The following NAAA variants were observed in gnomAD, a reference collection of about 807,000 sequenced individuals.
The protein encoded by NAAA is N-acylethanolamine acid amidase.
NAAA carries 39 observed loss-of-function variants against 44.8 expected under a neutral mutation model. The observed-to-expected ratio is 0.87, with a 90% CI of 0.67 to 1.14. The LOEUF (loss-of-function observed/expected upper bound fraction) is 1.14, where lower values mean the gene tolerates loss of function less well. Among genes scored for constraint, NAAA ranks in the 50% most tolerant of loss-of-function variants. The pLI is 0.00. For missense variants in NAAA, 460 were observed against 467.8 expected, an observed-to-expected ratio of 0.98 and a Z score of 0.15; for synonymous variants, 178 against 191.3, an observed-to-expected ratio of 0.93 and a Z score of 0.58.
At chr4:75,927,633 G>GCC (rs60371960) in intron 4 of NAAA, among the ~76,000 whole-genome samples, 71 of 95,766 alleles carry the variant, frequency 7.4e-4, no homozygotes, top group East Asian at 2.7e-3. Context: ...AATTTTTAAT[G>GCC]CCCCCCCCCC....
chr4:75,925,770 G>C lies in NAAA; in HGVS notation c.631C>G (p.Arg211Gly). 6.2e-7 allele frequency: 1 copy of C among 1,614,152 alleles called. No homozygotes were observed. The change falls in exon 5 of 11, where the codon CGG becomes GGG. Residue 211 changes from arginine to glycine, a missense_variant. Physicochemically the swap from Arg to Gly is moderately radical, Grantham distance 125. Coordinates refer to ENST00000286733, the MANE Select transcript of NAAA (RefSeq NM_014435.4). ...AGCCAGCTGACGGGAATGTGTCTCC[G>C]AAACAGGGCAGCGATAGCATTCTCC... ...WWENAIAALFRRHIPVSWLIR... is the reference protein window; with the variant it reads ...WWENAIAALFGRHIPVSWLIR...
chr4:75,930,209 T>C (rs2149271715), intron 4 of NAAA, among the ~76,000 whole-genome samples: 1 of 152,238 alleles, frequency 6.6e-6, no homozygotes, highest in African/African-American at 2.4e-5. Context: ...TATATCCTTC[T>C]CCTTGATTCA....
In NAAA at chr4:75,940,177, A is replaced by T; in HGVS notation, c.207-12T>A. On this transcript the variant is annotated splice_polypyrimidine_tract_variant and intron_variant, in intron 1 of 10. Transcript: ENST00000286733. ...TGGGGACTCTGTCCCTAGAAACAAAAAGCACAAGGGCGTCTGACCCGCTCA... is the reference window on the plus strand; with the variant it reads ...TGGGGACTCTGTCCCTAGAAACAAATAGCACAAGGGCGTCTGACCCGCTCA... 1 of 1,611,630 alleles carries T rather than the reference A, an allele frequency of 6.2e-7. No homozygotes were observed. Among genetic ancestry groups the T allele is most frequent in the Non-Finnish European group, 8.5e-7 (1 of 1,178,368 alleles).
chr4:75,922,251 G>A (rs969740582), intron 5 of NAAA, among the ~76,000 whole-genome samples: 2 of 151,900 alleles, frequency 1.3e-5, no homozygotes, highest in African/African-American at 2.4e-5. Context: ...GAGTTTTCCT[G>A]CCTTATACTT....
At position 75,940,156 on chromosome 4, in the gene NAAA, G is replaced by A; in HGVS notation, c.216C>T (p.Val72=). ...AAMAQVIGDR[V]PKWVHVLIGK... ...CGATTAACACGTGCACCCACTTGGG[G>A]ACTCTGTCCCTAGAAACAAAAAGCA... Residue 72 remains valine (V), a synonymous_variant, in exon 2 of 11, where the codon GTC becomes GTT. Transcript: ENST00000286733. The A allele has an allele frequency of 6.2e-7, 1 of 1,613,346 alleles. No individual in the cohort carries two copies. Among genetic ancestry groups the A allele is most frequent in the Non-Finnish European group, 8.5e-7 (1 of 1,179,500 alleles).
At chr4:75,915,553 A>C (rs1342807402) in intron 9 of NAAA, among the ~76,000 whole-genome samples, 2 of 152,092 alleles carry the variant, frequency 1.3e-5, no homozygotes, top group Non-Finnish European at 2.9e-5. Flanking sequence ...CATCAGGAGA[A>C]TATCACCCAG....
At chr4:75,916,826 C>T (rs1422306865) in intron 9 of NAAA, among the ~76,000 whole-genome samples, 2 of 122,626 alleles carry the variant, frequency 1.6e-5, no homozygotes, top group African/African-American at 2.9e-5. Context: ...CTCCCTCTGT[C>T]GCCCAGGCTG....
intron 9 of NAAA, among the ~76,000 whole-genome samples, chr4:75,915,641 C>A (rs897981028): frequency 6.6e-6 from 1 of 152,164 alleles, no homozygotes; most frequent in African/African-American, 2.4e-5. Context: ...GGTACTTGGG[C>A]AGACTCCAGG....
At chr4:75,937,316 G>A (rs1301762734) in intron 2 of NAAA, among the ~76,000 whole-genome samples, 1 of 152,166 alleles carries the variant, frequency 6.6e-6, no homozygotes, top group Non-Finnish European at 1.5e-5. Context: ...CTATCTGGGG[G>A]GCTGAGGCAG....
chr4:75,910,927 T>C (rs994460730), downstream of NAAA, among the ~76,000 whole-genome samples: 1 of 152,112 alleles, frequency 6.6e-6, no homozygotes, highest in Non-Finnish European at 1.5e-5. Context: ...GGTGGTAGGA[T>C]TATCATTAGT....
rs574883372 is a variant in NAAA at position 75,924,485 on chromosome 4, G to A, written c.666+1250C>T. On this transcript the variant is annotated intron_variant, in intron 5 of 10. Coordinates refer to ENST00000286733, the MANE Select transcript of NAAA (RefSeq NM_014435.4). ...ATTTCTGGACCACAGTTGACTGTGG[G>A]TAACAGAAACCAAGAATAAGGGGAG... 3.9e-5 allele frequency among the ~76,000 whole-genome samples: 6 copies of A among 152,318 alleles called. No individual in the cohort carries two copies. The South Asian group carries it at 8.3e-4, about 21-fold the overall frequency.
At chr4:75,937,294 C>G (rs951632757) in intron 2 of NAAA, among the ~76,000 whole-genome samples, 4 of 152,158 alleles carry the variant, frequency 2.6e-5, no homozygotes, top group Admixed American at 6.5e-5. Flanking sequence ...TGGCGCACAC[C>G]TGTTGTCCCA....
Position 75,940,870 on chromosome 4 carries a change from G to A in NAAA, c.80C>T (p.Ala27Val), listed in dbSNP as rs527812138. Reference sequence around the variant, plus strand: ...GCGCGGCGCTGCTGGGGGCGAGGCGGCTGACAGCCCGGCCCCGGCCAGCAG... The same window carrying A: ...GCGCGGCGCTGCTGGGGGCGAGGCGACTGACAGCCCGGCCCCGGCCAGCAG... ...LLLLAGAGLSAASPPAAPRFN... is the reference protein window; with the variant it reads ...LLLLAGAGLSVASPPAAPRFN... Residue 27 changes from alanine to valine, a missense_variant, in exon 1 of 11, where the codon GCC (alanine) becomes GTC (valine). Coordinates refer to ENST00000286733, the MANE Select transcript of NAAA (RefSeq NM_014435.4). The A allele has an allele frequency of 1.7e-5, 26 of 1,572,544 alleles. No homozygotes were observed. In the Admixed American group the frequency reaches 3.7e-4, roughly 22 times the overall value.
In NAAA at chr4:75,919,970, G is replaced by A. The variant is rs752035557; in HGVS notation, c.908C>T (p.Ser303Phe). 2 of 1,613,924 alleles carry A rather than the reference G, an allele frequency of 1.2e-6. No individual in the cohort carries two copies. The highest frequency in any genetic ancestry group is 1.7e-6 in the Non-Finnish European group (2 of 1,179,804). The change falls in exon 8 of 11, where the codon TCT becomes TTT. Residue 303 changes from serine to phenylalanine, a missense_variant. Coordinates refer to ENST00000286733, the MANE Select transcript of NAAA (RefSeq NM_014435.4). ...PAPKEDDRRT[S>F]AIKALNATGQ... is the part of the protein sequence containing the mutation. ...TGTAGCATTAAGGGCCTTGATGGCA[G>A]ATGTTCTGTAAGGACAAAGGTCGAA...
chr4:75,925,667 TA>T, intron 5 of NAAA, 67 bp downstream of exon 5: 1 of 1,465,958 alleles, frequency 6.8e-7, no homozygotes. Flanking sequence ...GCAACATTGT[TA>T]AATGACACAG....
intron 5 of NAAA, among the ~76,000 whole-genome samples, chr4:75,923,869 A>G (rs911021388): frequency 2.0e-5 from 3 of 152,142 alleles, no homozygotes; most frequent in African/African-American, 7.2e-5. Flanking sequence ...CCATGTGTAC[A>G]GTAAAGAAGC....
At chr4:75,932,342 T>C (rs1727301675) in intron 3 of NAAA, among the ~76,000 whole-genome samples, 2 of 152,246 alleles carry the variant, frequency 1.3e-5, no homozygotes, top group Non-Finnish European at 2.9e-5. Flanking sequence ...TGTTCACCAA[T>C]AATAATCACA....
Position 75,913,880 on chromosome 4 carries a change from G to A in NAAA, c.*495C>T, listed in dbSNP as rs781094029. 5.0e-5 allele frequency: 49 copies of A among 985,132 alleles called. No individual in the cohort carries two copies. Among genetic ancestry groups the A allele is most frequent in the Admixed American group, 6.2e-5 (1 of 16,258 alleles). 61.0% of individuals were successfully genotyped at this position (985,132 alleles called of 1,614,324 possible). ...CATGGAAACACATGATCAAAGATCA[G>A]ACTAACACACATTCAAACAGGCTTG... is the stretch of plus-strand genomic sequence containing the variant. On this transcript the variant is annotated 3_prime_UTR_variant, in exon 11 of 11. Transcript: ENST00000286733.
chr4:75,940,028 A>G lies in NAAA; in HGVS notation c.344T>C (p.Leu115Pro), dbSNP rs780780700. Reference sequence around the variant, plus strand: ...GGAGGACTCGTAGGCCAGGTTGACCAGAAGGCAGTCCGCCAGGCTGAGGTT... The same window carrying G: ...GGAGGACTCGTAGGCCAGGTTGACCGGAAGGCAGTCCGCCAGGCTGAGGTT... ...FMNLSLADCL[L>P]VNLAYESSVF... The change falls in exon 2 of 11, where the codon CTG becomes CCG. Residue 115 changes from leucine to proline, a missense_variant. Transcript: ENST00000286733. The G allele has an allele frequency of 6.2e-7, 1 of 1,614,044 alleles. No individual in the cohort carries two copies. Among genetic ancestry groups the G allele is most frequent in the Non-Finnish European group, 8.5e-7 (1 of 1,180,046 alleles).
Sources: gnomAD v4.1 joint callset for allele counts (sites outside exome capture counted in the v4.1 genomes callset) on GRCh38, gnomAD v4.1.1 for gene constraint, MANE v1.5 for transcripts, NCBI Gene and HGNC (gene_info 2026-07-23, HGNC 2026-07-21) for gene names.